ZNF354A: variants seen among roughly 807,000 people sequenced by gnomAD.
ZNF354A encodes the protein epididymis luminal protein 104.
In ZNF354A, 25 loss-of-function variants were observed where a neutral mutation model predicts 53.3. The ratio of observed to expected loss-of-function variants is 0.47; its 90% CI spans 0.34 to 0.66. The LOEUF is 0.66. Ranked by LOEUF, ZNF354A falls within the 30% of genes least tolerant of loss-of-function variation. The pLI, the probability that ZNF354A is intolerant of heterozygous loss-of-function variation, is 0.01. For synonymous variants in ZNF354A, 228 were observed against 249.0 expected (o/e 0.92, Z 0.79); for missense variants, 586 against 716.8 (o/e 0.82, Z 2.08).
Position 178,712,202 on chromosome 5 carries a change from A to C in ZNF354A, c.1676T>G (p.Phe559Cys). ...TGCAATACGTGATGAGCTTTGTCTAAAAGTTTTTCCACATGTATTACATTT... is the reference window on the plus strand; with the variant it reads ...TGCAATACGTGATGAGCTTTGTCTACAAGTTTTTCCACATGTATTACATTT... ...PFKCNTCGKT[F>C]RQSSSRIAHQ... is the part of the protein sequence containing the mutation. Residue 559 changes from phenylalanine to cysteine, a missense_variant, in exon 5 of 5, where the codon TTT becomes TGT. Physicochemically the swap from Phe to Cys is radical, Grantham distance 205 (BLOSUM62 -2). Around this residue, in one of 2 missense-constraint regions of ZNF354A, gnomAD observed 573 missense variants for 680.1 expected, o/e 0.84. Coordinates refer to ENST00000335815, the MANE Select transcript of ZNF354A (RefSeq NM_005649.3). The C allele has an allele frequency of 6.2e-7, 1 of 1,614,122 alleles. No homozygotes were observed. Among genetic ancestry groups the C allele is most frequent in the Non-Finnish European group, 8.5e-7 (1 of 1,180,000 alleles).
chr5:178,712,818 A>T lies in ZNF354A; in HGVS notation c.1060T>A (p.Tyr354Asn). The T allele has an allele frequency of 1.2e-6, 2 of 1,611,974 alleles. No homozygotes were observed. Among genetic ancestry groups the T allele is most frequent in the Non-Finnish European group, 1.7e-6 (2 of 1,180,004 alleles). The change falls in exon 5 of 5, where the codon TAC (tyrosine) becomes AAC (asparagine). Residue 354 changes from tyrosine to asparagine, a missense_variant. Physicochemically the swap from Tyr to Asn is moderately radical, Grantham distance 143. This residue lies in a region of ZNF354A where 573 missense variants were observed against 680.1 expected (regional missense o/e 0.84). Coordinates refer to ENST00000335815, the MANE Select transcript of ZNF354A (RefSeq NM_005649.3). The part of the protein sequence containing the change: ...CQRIHSRKKS[Y>N]LCNECGNTFK... ...GTGTTGCCACATTCATTACATAAGT[A>T]GGACTTCTTTCTAGAATGAATTCTT... is the stretch of plus-strand genomic sequence containing the variant.
chr5:178,716,805 G>A (rs975262097), intron 4 of ZNF354A, among the ~76,000 whole-genome samples: 1 of 152,052 alleles, frequency 6.6e-6, no homozygotes, highest in African/African-American at 2.4e-5. Context: ...GGGGCCGGGC[G>A]TGGTGGCTCA....
In ZNF354A at chr5:178,712,469, A is replaced by G. The variant is rs747911609; in HGVS notation, c.1409T>C (p.Val470Ala). ...ACTCTGTCTGAAGGCTTTTCCACAT[A>G]CTTTACATTTACATGGTTTTTCTCC... ...HTGEKPCKCKVCGKAFRQSSA... is the reference protein window; with the variant it reads ...HTGEKPCKCKACGKAFRQSSA... The change falls in exon 5 of 5, where the codon GTA becomes GCA. Residue 470 changes from valine (V) to alanine (A), a missense_variant. By Grantham distance (64) the Val-to-Ala change is moderately conservative (BLOSUM62 0). Coordinates refer to ENST00000335815, the MANE Select transcript of ZNF354A (RefSeq NM_005649.3). 6.2e-7 allele frequency: 1 copy of G among 1,613,884 alleles called. No individual in the cohort carries two copies. Among genetic ancestry groups the G allele is most frequent in the Non-Finnish European group, 8.5e-7 (1 of 1,179,892 alleles).
At chr5:178,720,544 T>A (rs1581745756) in intron 4 of ZNF354A, among the ~76,000 whole-genome samples, 1 of 152,264 alleles carries the variant, frequency 6.6e-6, no homozygotes, top group East Asian at 1.9e-4. Context: ...ATCTCCAAGT[T>A]GGCCATCGCT....
chr5:178,718,499 G>A (rs570648732), intron 4 of ZNF354A, among the ~76,000 whole-genome samples: 4 of 152,146 alleles, frequency 2.6e-5, no homozygotes, highest in Non-Finnish European at 5.9e-5. Context: ...TTATGTGTAC[G>A]ACTATCCTGA....
intron 4 of ZNF354A, among the ~76,000 whole-genome samples, chr5:178,724,383 C>T (rs1328733604): frequency 6.6e-6 from 1 of 152,036 alleles, no homozygotes; most frequent in Non-Finnish European, 1.5e-5. Flanking sequence ...CCCCACCACG[C>T]TTGGCTAATT....
Position 178,712,306 on chromosome 5 carries a change from A to T in ZNF354A, c.1572T>A (p.Cys524Ter). The change falls in exon 5 of 5, where the codon TGT becomes TGA. Residue 524 changes from cysteine (C) to a stop codon, truncating the protein, a stop_gained. Coordinates refer to ENST00000335815, the MANE Select transcript of ZNF354A (RefSeq NM_005649.3). LOFTEE classifies it high-confidence loss of function. Reference sequence around the variant, plus strand: ...GGCCAAAAGATATCCCACATTCCTCACATCGATATGGTTTCTCTCCAGTAT... The same window carrying T: ...GGCCAAAAGATATCCCACATTCCTCTCATCGATATGGTTTCTCTCCAGTAT... The part of the protein sequence containing the change: ...RIHTGEKPYR[C>*]EECGISFGQS... The T allele has an allele frequency of 6.2e-7, 1 of 1,614,164 alleles. No homozygotes were observed. The highest frequency in any genetic ancestry group is 1.1e-5 in the South Asian group (1 of 91,078).
Position 178,727,037 on chromosome 5 carries a change from T to A in ZNF354A, c.122A>T (p.Asp41Val). 1 of 1,614,040 alleles carries A rather than the reference T, an allele frequency of 6.2e-7. No individual in the cohort carries two copies. Among genetic ancestry groups the A allele is most frequent in the Non-Finnish European group, 8.5e-7 (1 of 1,179,972 alleles). ...GTTCCTATAGTTCTCCAGCATCACA[T>A]CCCGGTACAAGTTTCTCTGAGAAGG... is the stretch of plus-strand genomic sequence containing the variant. ...LAPSQRNLYR[D>V]VMLENYRNLV... Residue 41 changes from aspartate (D) to valine (V), a missense_variant, in exon 3 of 5, where the codon GAT becomes GTT. Coordinates refer to ENST00000335815, the MANE Select transcript of ZNF354A (RefSeq NM_005649.3).
intron 2 of ZNF354A, among the ~76,000 whole-genome samples, chr5:178,728,095 A>C (rs1019004762): frequency 6.6e-6 from 1 of 151,608 alleles, no homozygotes; most frequent in African/African-American, 2.4e-5. Flanking sequence ...GCCGGCCTCG[A>C]CCTCCCAAAG....
At chr5:178,726,521 C>CT (rs1230166304) in intron 3 of ZNF354A, among the ~76,000 whole-genome samples, 1 of 150,732 alleles carries the variant, frequency 6.6e-6, no homozygotes, top group African/African-American at 2.4e-5. Flanking sequence ...AGAATGGTCT[C>CT]TATCTCTTGA....
intron 3 of ZNF354A, chr5:178,726,046 G>C (rs1270366589): frequency 2.6e-6 from 1 of 382,608 alleles, no homozygotes; most frequent in African/African-American, 2.1e-5. Flanking sequence ...GTTTCACCAT[G>C]TTGGCCAGGA....
intron 4 of ZNF354A, among the ~76,000 whole-genome samples, chr5:178,723,588 C>T (rs1277128240): frequency 1.3e-5 from 2 of 152,220 alleles, no homozygotes; most frequent in Non-Finnish European, 2.9e-5. Context: ...ACGCCACCTG[C>T]CTGCTCTGCA....
At chr5:178,726,004 C>T (rs774679597) in intron 3 of ZNF354A, 25 of 329,862 alleles carry the variant, frequency 7.6e-5, no homozygotes, top group Admixed American at 3.7e-4. Flanking sequence ...CATGCCACCA[C>T]GCCTAAGTTT....
At chr5:178,713,758 A>G in intron 4 of ZNF354A, 137 bp from the exon 5 acceptor site, 1 of 966,282 alleles carries the variant, frequency 1.0e-6, no homozygotes, top group Non-Finnish European at 1.5e-6. Flanking sequence ...AATTGCAAAA[A>G]GAAAAAATAG....
At chr5:178,722,102 C>T (rs552924564) in intron 4 of ZNF354A, among the ~76,000 whole-genome samples, 8 of 152,252 alleles carry the variant, frequency 5.3e-5, no homozygotes, top group Non-Finnish European at 8.8e-5. Flanking sequence ...ACGCTTTTAC[C>T]TGTCTTCCCT....
intron 2 of ZNF354A, among the ~76,000 whole-genome samples, chr5:178,727,762 T>C (rs1383288275): frequency 6.6e-6 from 1 of 152,226 alleles, no homozygotes; most frequent in East Asian, 1.9e-4. Flanking sequence ...GTTGCCACTT[T>C]ACACAAGAGA....
intron 2 of ZNF354A, among the ~76,000 whole-genome samples, chr5:178,728,093 C>T (rs114565401): frequency 0.018 from 2,682 of 152,262 alleles, 36 homozygotes; most frequent in Non-Finnish European, 0.03. Flanking sequence ...CTGCCGGCCT[C>T]GACCTCCCAA....
chr5:178,717,826 AG>A (rs1211582154), intron 4 of ZNF354A, among the ~76,000 whole-genome samples: 16 of 152,260 alleles, frequency 1.1e-4, no homozygotes, highest in Admixed American at 9.8e-4. Flanking sequence ...TTCAGGGAGG[AG>A]TGAATAACTG....
chr5:178,718,734 A>AT (rs962089131), intron 4 of ZNF354A, among the ~76,000 whole-genome samples: 24 of 151,942 alleles, frequency 1.6e-4, no homozygotes, highest in Non-Finnish European at 2.9e-5. Flanking sequence ...CAAAATCTTC[A>AT]TTTTTTTGTT....
Sources: gnomAD v4.1 joint callset for allele counts (sites outside exome capture counted in the v4.1 genomes callset) on GRCh38, gnomAD v4.1.1 for gene constraint, gnomAD v4.1.1 regional missense constraint, MANE v1.5 for transcripts, NCBI Gene and HGNC (gene_info 2026-07-23, HGNC 2026-07-21) for gene names.